LIN52: variants seen among roughly 807,000 people sequenced by gnomAD.
LIN52 encodes lin-52 DREAM MuvB core complex component.
Under a neutral mutation model 18.5 loss-of-function variants are expected in LIN52, and 4 were observed. That is an observed-to-expected ratio of 0.22 (90% CI 0.11 to 0.49). LIN52 has a LOEUF of 0.49. LIN52 is among the 20% of genes least tolerant of loss of function. The pLI is 0.97. For synonymous variants in LIN52, 34 were observed against 45.5 expected, an observed-to-expected ratio of 0.75 and a Z score of 1.02; for missense variants, 102 against 139.5, an observed-to-expected ratio of 0.73 and a Z score of 1.35.
intron 5 of LIN52, among the ~76,000 whole-genome samples, chr14:74,197,744 A>G (rs2078923121): frequency 6.6e-6 from 1 of 152,228 alleles, no homozygotes; most frequent in African/African-American, 2.4e-5. Context: ...TGAAGTTACA[A>G]AAGCCTCCCT....
chr14:74,155,750 G>A (rs2061196580), intron 5 of LIN52, among the ~76,000 whole-genome samples: 1 of 152,158 alleles, frequency 6.6e-6, no homozygotes, highest in South Asian at 2.1e-4. Flanking sequence ...ATAATGCTAG[G>A]CTAGCTTGTG....
intron 5 of LIN52, among the ~76,000 whole-genome samples, chr14:74,171,457 G>A (rs537258514): frequency 2.7e-4 from 41 of 151,382 alleles, no homozygotes; most frequent in South Asian, 1.0e-3. Flanking sequence ...TTTCCCAGTC[G>A]TAGTAAGAAT....
chr14:74,168,186 A>G (rs576780996), intron 5 of LIN52, among the ~76,000 whole-genome samples: 1 of 152,306 alleles, frequency 6.6e-6, no homozygotes, highest in Admixed American at 6.5e-5. Flanking sequence ...TAAGGATTCT[A>G]TTATTTTTGC....
intron 5 of LIN52, among the ~76,000 whole-genome samples, chr14:74,186,211 G>A (rs2061339927): frequency 6.6e-6 from 1 of 151,810 alleles, no homozygotes; most frequent in Non-Finnish European, 1.5e-5. Flanking sequence ...AGAATCGCTT[G>A]AACCCAGGAG....
intron 5 of LIN52, among the ~76,000 whole-genome samples, chr14:74,154,728 C>G (rs932563197): frequency 1.3e-5 from 2 of 152,178 alleles, no homozygotes; most frequent in African/African-American, 4.8e-5. Flanking sequence ...ATCCACAAAG[C>G]TGTTTTGTCC....
chr14:74,147,824 G>A (rs1286240486), intron 5 of LIN52, among the ~76,000 whole-genome samples: 2 of 152,126 alleles, frequency 1.3e-5, no homozygotes, highest in Non-Finnish European at 2.9e-5. Flanking sequence ...AGGAATGGGG[G>A]AGTATTGTTT....
chr14:74,085,290 G>A, intron 1 of LIN52: 2 of 312,780 alleles, frequency 6.4e-6, no homozygotes, highest in Non-Finnish European at 5.8e-6. Flanking sequence ...CTATTTGGGC[G>A]AGGCTGAGGG....
At chr14:74,196,952 C>T (rs542362370) in intron 5 of LIN52, among the ~76,000 whole-genome samples, 7 of 152,304 alleles carry the variant, frequency 4.6e-5, no homozygotes, top group African/African-American at 1.4e-4. Context: ...ATCCTGTGTT[C>T]TCTGCAAGAA....
intron 2 of LIN52, among the ~76,000 whole-genome samples, chr14:74,093,162 G>A (rs973544642): frequency 3.3e-5 from 5 of 151,676 alleles, no homozygotes; most frequent in Admixed American, 3.3e-4. Context: ...AAGTAGGTTG[G>A]TCTTGAACTC....
intron 5 of LIN52, among the ~76,000 whole-genome samples, chr14:74,130,747 G>A (rs979024007): frequency 7.3e-5 from 11 of 151,234 alleles, no homozygotes; most frequent in Admixed American, 3.3e-4. Flanking sequence ...GTGCCACCAC[G>A]CGTGGCTAAT....
chr14:74,189,650 C>T (rs1363399387), intron 5 of LIN52, among the ~76,000 whole-genome samples: 1 of 152,198 alleles, frequency 6.6e-6, no homozygotes, highest in Non-Finnish European at 1.5e-5. Flanking sequence ...AACAGTCTTT[C>T]ACTTGAATGC....
At chr14:74,192,688 G>A (rs1024646695) in intron 5 of LIN52, 20 of 256,920 alleles carry the variant, frequency 7.8e-5, no homozygotes, top group East Asian at 2.5e-4. Context: ...ATGAAAGCTC[G>A]TTGTGAACAA....
intron 1 of LIN52, 143 bp downstream of exon 1, chr14:74,085,136 G>T: frequency 1.4e-6 from 1 of 708,926 alleles, no homozygotes. Flanking sequence ...GAGATCCATC[G>T]CCGTCTTCAG....
intron 5 of LIN52, among the ~76,000 whole-genome samples, chr14:74,101,568 C>T (rs2060856205): frequency 6.6e-6 from 1 of 151,152 alleles, no homozygotes; most frequent in Admixed American, 6.6e-5. Flanking sequence ...ACGCCATTCT[C>T]CTGCCTCAGC....
At chr14:74,197,494 A>G (rs2078921282) in intron 5 of LIN52, among the ~76,000 whole-genome samples, 2 of 152,164 alleles carry the variant, frequency 1.3e-5, no homozygotes, top group African/African-American at 4.8e-5. Flanking sequence ...CAGTTTTTAC[A>G]TTTTAGTGGA....
At chr14:74,198,491 T>C (rs975343813) in intron 5 of LIN52, among the ~76,000 whole-genome samples, 1 of 152,208 alleles carries the variant, frequency 6.6e-6, no homozygotes, top group Non-Finnish European at 1.5e-5. Context: ...GGGTAAATGA[T>C]CTCTAATTTT....
chr14:74,100,065 T>A (rs2060842823), intron 4 of LIN52, among the ~76,000 whole-genome samples: 1 of 152,246 alleles, frequency 6.6e-6, no homozygotes. Flanking sequence ...ATTTAGTCTT[T>A]GTTTTCTAAA....
chr14:74,129,916 A>G (rs2139936031), intron 5 of LIN52, among the ~76,000 whole-genome samples: 1 of 152,324 alleles, frequency 6.6e-6, no homozygotes, highest in African/African-American at 2.4e-5. Flanking sequence ...TAATGGACTT[A>G]CAGTTCCACA....
At chr14:74,183,389 G>A (rs748575971) in intron 5 of LIN52, among the ~76,000 whole-genome samples, 7 of 152,058 alleles carry the variant, frequency 4.6e-5, no homozygotes, top group South Asian at 4.1e-4. Flanking sequence ...ATGAGCCACC[G>A]CACTCAGCCA....
Sources: gnomAD v4.1 joint callset for allele counts (sites outside exome capture counted in the v4.1 genomes callset) on GRCh38, gnomAD v4.1.1 for gene constraint, MANE v1.5 for transcripts, NCBI Gene and HGNC (gene_info 2026-07-23, HGNC 2026-07-21) for gene names.